SEC61B: variants seen among roughly 807,000 people sequenced by gnomAD.
SEC61B encodes the protein SEC61 translocon subunit beta.
Under a neutral mutation model 12.6 loss-of-function variants are expected in SEC61B, and 7 were observed. The observed-to-expected ratio is 0.55, with a 90% CI of 0.32 to 1.04. The LOEUF is 1.04. SEC61B is among the 50% of genes least tolerant of loss of function. The pLI, the probability that SEC61B is intolerant of heterozygous loss-of-function variation, is 0.05. For synonymous variants in SEC61B, 54 were observed against 50.1 expected, an observed-to-expected ratio of 1.08 and a Z score of -0.33; for missense variants, 107 against 130.1, an observed-to-expected ratio of 0.82 and a Z score of 0.86.
chr9:99,229,721 G>T (rs1322945652), intron 3 of SEC61B, among the ~76,000 whole-genome samples: 1 of 152,114 alleles, frequency 6.6e-6, no homozygotes, highest in Non-Finnish European at 1.5e-5. Context: ...GTATACAGGT[G>T]TATATATTTA....
intron 2 of SEC61B, among the ~76,000 whole-genome samples, chr9:99,226,442 C>T (rs1828896400): frequency 6.6e-6 from 1 of 152,160 alleles, no homozygotes; most frequent in Non-Finnish European, 1.5e-5. Flanking sequence ...TCCGTATATG[C>T]CCTTCCCTTT....
rs567226571 is a variant in SEC61B, at chr9:99,222,487, C to T, written c.4-59C>T. On this transcript the variant is annotated intron_variant, in intron 1 of 3. Coordinates refer to ENST00000223641, the MANE Select transcript of SEC61B (RefSeq NM_006808.3). ...CAGCCTCGGGTGTGGGTGTCTAGGC[C>T]GGGGTTCTGGGGCAGGCCTGCCGCG... 4.6e-5 allele frequency: 73 copies of T among 1,602,408 alleles called. No individual in the cohort carries two copies. The East Asian group carries it at 1.6e-3, about 35-fold the overall frequency.
At chr9:99,222,799 G>C in intron 2 of SEC61B, 156 bp downstream of exon 2, 1 of 573,674 alleles carries the variant, frequency 1.7e-6, no homozygotes, top group Non-Finnish European at 3.0e-6. Context: ...CTTTTGGGAG[G>C]AAGGCGACAT....
chr9:99,225,263 A>G (rs1828881820), intron 2 of SEC61B, among the ~76,000 whole-genome samples: 1 of 152,218 alleles, frequency 6.6e-6, no homozygotes, highest in Admixed American at 6.5e-5. Context: ...ATGTAATTTC[A>G]GGCAATAAGG....
intron 2 of SEC61B, among the ~76,000 whole-genome samples, chr9:99,226,193 C>A (rs1457106565): frequency 6.6e-6 from 1 of 152,230 alleles, no homozygotes. Context: ...AGACCCAAAT[C>A]ATGGTTTGGC....
intron 2 of SEC61B, among the ~76,000 whole-genome samples, chr9:99,223,332 CAA>C (rs530132509): frequency 1.6e-5 from 2 of 128,968 alleles, no homozygotes; most frequent in Non-Finnish European, 3.4e-5. Flanking sequence ...AACAAACAAA[CAA>C]AAAAAAAAAA....
chr9:99,222,967 G>T, intron 2 of SEC61B: 1 of 254,556 alleles, frequency 3.9e-6, no homozygotes, highest in South Asian at 7.7e-5. Flanking sequence ...GGCCCCATAA[G>T]CAATCTGTCC....
rs374259727 is a variant in SEC61B at position 99,228,952 on chromosome 9, C to T, written c.203+952C>T. Reference sequence around the variant, plus strand: ...GTCCATCTAGTTAAAATAAAAAAGACAAAATTGAATTAATTTGGATTAGTT... The same window carrying T: ...GTCCATCTAGTTAAAATAAAAAAGATAAAATTGAATTAATTTGGATTAGTT... On this transcript the variant is annotated intron_variant, in intron 3 of 3. Coordinates refer to ENST00000223641, the MANE Select transcript of SEC61B (RefSeq NM_006808.3). Among the ~76,000 whole-genome samples the T allele has an allele frequency of 3.3e-5, 5 of 152,200 alleles. No individual in the cohort carries two copies. In the East Asian group the frequency reaches 7.7e-4, roughly 24 times the overall value.
chr9:99,227,834 T>G (rs536467909), intron 2 of SEC61B, 65 bp from the exon 3 acceptor site: 1 of 1,112,984 alleles, frequency 9.0e-7, no homozygotes, highest in South Asian at 1.3e-5. Context: ...AATGGTAGCA[T>G]ATGTTATAAT....
chr9:99,223,359 A>C (rs991199082), intron 2 of SEC61B, among the ~76,000 whole-genome samples: 19 of 150,638 alleles, frequency 1.3e-4, no homozygotes, highest in Non-Finnish European at 2.5e-4. Flanking sequence ...GGGGATACCA[A>C]AGCTCTTAGT....
chr9:99,228,147 T>C, intron 3 of SEC61B, 147 bp downstream of exon 3: 1 of 601,376 alleles, frequency 1.7e-6, no homozygotes, highest in African/African-American at 1.8e-5. Flanking sequence ...CTGGGTTTGG[T>C]TTGCCTGTTT....
At chr9:99,228,118 C>G (rs1828920058) in intron 3 of SEC61B, 118 bp downstream of exon 3, 1 of 723,612 alleles carries the variant, frequency 1.4e-6, no homozygotes, top group South Asian at 2.2e-5. Flanking sequence ...ACACAACAGC[C>G]TCATTTGTGC....
intron 3 of SEC61B, among the ~76,000 whole-genome samples, chr9:99,228,475 G>A (rs1004716542): frequency 6.6e-6 from 1 of 152,182 alleles, no homozygotes; most frequent in Non-Finnish European, 1.5e-5. Flanking sequence ...GCCTTTGGTG[G>A]GTGGTGAGTA....
chr9:99,223,468 A>G (rs1828861022), intron 2 of SEC61B, among the ~76,000 whole-genome samples: 1 of 150,190 alleles, frequency 6.7e-6, no homozygotes, highest in African/African-American at 2.5e-5. Flanking sequence ...ATCTCGGCTC[A>G]CTACAGCCTT....
intron 3 of SEC61B, 62 bp downstream of exon 3, chr9:99,228,062 C>G: frequency 1.6e-6 from 2 of 1,229,824 alleles, no homozygotes; most frequent in South Asian, 2.5e-5. Context: ...AGTGGCAGCA[C>G]TCTGTCTCTG....
intron 2 of SEC61B, among the ~76,000 whole-genome samples, chr9:99,227,265 CAAAAAAAA>C (rs59719935): frequency 9.3e-5 from 1 of 10,738 alleles, no homozygotes; most frequent in Admixed American, 9.7e-4. Flanking sequence ...AACTCCATCT[CAAAAAAAA>C]AAAAAAAAAA....
chr9:99,224,518 A>G (rs776822056), intron 2 of SEC61B, among the ~76,000 whole-genome samples: 11 of 152,376 alleles, frequency 7.2e-5, no homozygotes, highest in South Asian at 4.1e-4. Flanking sequence ...GCACATATTT[A>G]TCAAATGTAC....
At chr9:99,226,575 A>G (rs984863011) in intron 2 of SEC61B, among the ~76,000 whole-genome samples, 2 of 152,156 alleles carry the variant, frequency 1.3e-5, no homozygotes, top group Non-Finnish European at 2.9e-5. Context: ...CCTCCCCACT[A>G]GGACTTCTGA....
chr9:99,222,373 C>T lies in SEC61B; in HGVS notation c.3+7C>T, dbSNP rs1035478832. On this transcript the variant is annotated splice_region_variant and intron_variant, in intron 1 of 3. Transcript: ENST00000223641. ...CACCCTCATCTCCAATATGGTATGGCGGCCCTTCCATGATCCCCGCCTCTC... is the reference window on the plus strand; with the variant it reads ...CACCCTCATCTCCAATATGGTATGGTGGCCCTTCCATGATCCCCGCCTCTC... 3 of 1,614,046 alleles carry T rather than the reference C, an allele frequency of 1.9e-6. No homozygotes were observed. Among genetic ancestry groups the T allele is most frequent in the Non-Finnish European group, 2.5e-6 (3 of 1,180,020 alleles).
Sources: gnomAD v4.1 joint callset for allele counts (sites outside exome capture counted in the v4.1 genomes callset) on GRCh38, gnomAD v4.1.1 for gene constraint, MANE v1.5 for transcripts, NCBI Gene and HGNC (gene_info 2026-07-23, HGNC 2026-07-21) for gene names.